The following C1QBP variants were observed in gnomAD, a reference collection of about 807,000 sequenced individuals.
C1QBP encodes the protein complement C1q binding protein, also known as complement component 1 Q subcomponent-binding protein, mitochondrial.
C1QBP carries 24 observed loss-of-function variants against 29.4 expected under a neutral mutation model. The ratio of observed to expected loss-of-function variants is 0.82; its 90% CI spans 0.59 to 1.15. C1QBP has a LOEUF of 1.15. Ranked by LOEUF, C1QBP falls within the 50% of genes most tolerant of loss-of-function variation. The probability of loss-of-function intolerance (pLI) is 0.00; values close to 1 mark genes in which losing one functional copy is unlikely to be tolerated. For missense variants in C1QBP, 337 were observed against 355.8 expected, an observed-to-expected ratio of 0.95 and a Z score of 0.43; for synonymous variants, 182 against 149.2, an observed-to-expected ratio of 1.22 and a Z score of -1.60.
intron 3 of C1QBP, 66 bp from the exon 4 acceptor site, chr17:5,433,833 C>G: frequency 7.2e-7 from 1 of 1,383,702 alleles, no homozygotes; most frequent in Non-Finnish European, 1.0e-6. Context: ...TCAAGGATCT[C>G]TGTTCAGAGT....
In C1QBP at chr17:5,433,102, A is replaced by G. The variant is rs1916140483; in HGVS notation, c.762T>C (p.Asp254=). 3 of 1,614,214 alleles carry G rather than the reference A, an allele frequency of 1.9e-6. No individual in the cohort carries two copies. The highest frequency in any genetic ancestry group is 8.5e-7 in the Non-Finnish European group (1 of 1,180,032). The change falls in exon 6 of 6, where the codon GAT becomes GAC. Residue 254 remains aspartate, a synonymous_variant. Transcript: ENST00000225698. ...GGGCTGTGCTGAGCTCCACCAGCTC[A>G]TCTGCAAAAGTGTTGTCCACCCCTC... is the stretch of plus-strand genomic sequence containing the variant. ...ADRGVDNTFA[D]ELVELSTALE...
At position 5,438,919 on chromosome 17, in the gene C1QBP, G is replaced by C. The variant is rs2151678247; in HGVS notation, c.155C>G (p.Ser52Cys). The stretch of plus-strand genomic sequence containing the variant: ...CCGCAGGAGGCCCGGCCGCCGCTCG[G>C]AACCTGCGCGCACGCTGAGCAGCCC... ...PFGLLSVRAGSERRPGLLRPR... is the reference protein window; with the variant it reads ...PFGLLSVRAGCERRPGLLRPR... The change falls in exon 1 of 6, where the codon TCC becomes TGC. Residue 52 changes from serine (S) to cysteine (C), a missense_variant. Ser to Cys is a moderately radical substitution (Grantham distance 112). Coordinates refer to ENST00000225698, the MANE Select transcript of C1QBP (RefSeq NM_001212.4). The C allele has an allele frequency of 6.5e-7, 1 of 1,537,532 alleles. No homozygotes were observed. Among genetic ancestry groups the C allele is most frequent in the East Asian group, 2.5e-5 (1 of 39,498 alleles).
In C1QBP at chr17:5,438,281, A is replaced by T. The variant is rs1422651773; in HGVS notation, c.233-8T>A. The T allele has an allele frequency of 6.2e-7, 1 of 1,612,362 alleles. No individual in the cohort carries two copies. Among genetic ancestry groups the T allele is most frequent in the South Asian group, 1.1e-5 (1 of 90,862 alleles). ...CAACAAAAGCTTTGTCTCCTAGAAAAGAAATCCAGATACATAAAAAGGAAA... is the reference window on the plus strand; with the variant it reads ...CAACAAAAGCTTTGTCTCCTAGAAATGAAATCCAGATACATAAAAAGGAAA... On this transcript the variant is annotated splice_polypyrimidine_tract_variant and splice_region_variant and intron_variant, in intron 1 of 5. Coordinates refer to ENST00000225698, the MANE Select transcript of C1QBP (RefSeq NM_001212.4).
chr17:5,438,097 C>G (rs1567592891), intron 2 of C1QBP, 26 bp downstream of exon 2: 2 of 1,606,922 alleles, frequency 1.2e-6, no homozygotes, highest in Admixed American at 3.4e-5. Flanking sequence ...GAGTTGCTGC[C>G]CTGGGATCCC....
intron 2 of C1QBP, 90 bp from the exon 3 acceptor site, chr17:5,435,056 C>T: frequency 3.4e-6 from 4 of 1,178,752 alleles, no homozygotes; most frequent in Non-Finnish European, 5.1e-6. Flanking sequence ...AAATCTGCTA[C>T]AGTTAAAAAG....
In C1QBP at chr17:5,439,047, G is replaced by A. The variant is rs1312010462; in HGVS notation, c.27C>T (p.Pro9=). Reference sequence around the variant, plus strand: ...CGGCGACGGAGGAGCCCAGCACACGGGGCACGCAGCGCAGCAGAGGCAGCA... The same window carrying A: ...CGGCGACGGAGGAGCCCAGCACACGAGGCACGCAGCGCAGCAGAGGCAGCA... MLPLLRCV[P]RVLGSSVAGL... Residue 9 remains proline (P), a synonymous_variant, in exon 1 of 6, where the codon CCC becomes CCT. Transcript: ENST00000225698. 2.2e-5 allele frequency: 34 copies of A among 1,530,274 alleles called. No homozygotes were observed. Among genetic ancestry groups the A allele is most frequent in the Non-Finnish European group, 2.6e-5 (30 of 1,139,162 alleles). 94.8% of individuals were successfully genotyped at this position (1,530,274 alleles called of 1,614,324 possible). A position where few individuals can be genotyped will look rare whatever the true frequency, so the allele number is the denominator to read the frequency against.
intron 1 of C1QBP, 185 bp from the exon 2 acceptor site, chr17:5,438,458 C>G: frequency 1.2e-6 from 1 of 826,604 alleles, no homozygotes; most frequent in South Asian, 1.9e-5. Context: ...GAGCCTGATT[C>G]TGGAAAAGTG....
At chr17:5,438,435 G>C (rs370490818) in intron 1 of C1QBP, 162 bp from the exon 2 acceptor site, 2 of 901,966 alleles carry the variant, frequency 2.2e-6, no homozygotes, top group South Asian at 3.7e-5. Context: ...TACCATAATA[G>C]TAGTAGGAAG....
intron 2 of C1QBP, among the ~76,000 whole-genome samples, chr17:5,435,826 G>A (rs1221692657): frequency 8.3e-5 from 12 of 143,914 alleles, no homozygotes; most frequent in Non-Finnish European, 1.5e-4. Context: ...TCAAGAGATC[G>A]AGACCATCCT....
In C1QBP at chr17:5,433,741, G is replaced by A. The variant is rs774258991; in HGVS notation, c.504C>T (p.Phe168=). The change falls in exon 4 of 6, where the codon TTC becomes TTT. Residue 168 remains phenylalanine (F), a synonymous_variant. Coordinates refer to ENST00000225698, the MANE Select transcript of C1QBP (RefSeq NM_001212.4). ...QEPELTSTPN[F]VVEVIKNDDG... The stretch of plus-strand genomic sequence containing the variant: ...CATCATTCTTTATAACTTCAACCAC[G>A]AAATTGGGAGTTGATGTCAGTTCAG... 21 of 1,614,088 alleles carry A rather than the reference G, an allele frequency of 1.3e-5. No individual in the cohort carries two copies. In the South Asian group the frequency reaches 1.5e-4, roughly 12 times the overall value.
At chr17:5,438,100 G>A in intron 2 of C1QBP, 23 bp downstream of exon 2, 1 of 1,607,930 alleles carries the variant, frequency 6.2e-7, no homozygotes, top group Non-Finnish European at 8.5e-7. Context: ...TTGCTGCCCT[G>A]GGATCCCCAG....
Position 5,438,964 on chromosome 17 carries a change from C to CG in C1QBP, c.109dup (p.Arg37ProfsTer48). 1 of 1,502,378 alleles carries CG rather than the reference C, an allele frequency of 6.7e-7. No homozygotes were observed. Among genetic ancestry groups the CG allele is most frequent in the Non-Finnish European group, 8.9e-7 (1 of 1,128,234 alleles). 93.1% of individuals were successfully genotyped at this position (1,502,378 alleles called of 1,614,324 possible). A position where few individuals can be genotyped will look rare whatever the true frequency, so the allele number is the denominator to read the frequency against. On this transcript the variant is annotated frameshift_variant, in exon 1 of 6. Transcript: ENST00000225698. LOFTEE classifies it high-confidence loss of function. ...CAGCCCGAAGGGCCGGGTGCACAGCCGGGGTGCCGGCTGCAGGAGCTGCCG... is the reference window on the plus strand; with the variant it reads ...CAGCCCGAAGGGCCGGGTGCACAGCCGGGGGTGCCGGCTGCAGGAGCTGCCG...
Position 5,433,692 on chromosome 17 carries a change from C to T in C1QBP, c.553G>A (p.Asp185Asn). Residue 185 changes from aspartate (D) to asparagine (N), a missense_variant, in exon 4 of 6, where the codon GAC (aspartate) becomes AAC (asparagine). Transcript: ENST00000225698. ...NDDGKKALVL[D>N]CHYPEDEVGQ... is the part of the protein sequence containing the mutation. ...ACCTCATCCTCTGGATAATGACAGT[C>T]CAACACAAGGGCCTTCTTGCCATCA... is the stretch of plus-strand genomic sequence containing the variant. The T allele has an allele frequency of 6.2e-7, 1 of 1,614,196 alleles. No individual in the cohort carries two copies. The highest frequency in any genetic ancestry group is 2.2e-5 in the East Asian group (1 of 44,892).
At chr17:5,435,754 G>C (rs1348651568) in intron 2 of C1QBP, among the ~76,000 whole-genome samples, 1 of 151,824 alleles carries the variant, frequency 6.6e-6, no homozygotes, top group African/African-American at 2.4e-5. Flanking sequence ...TGAAGGCTGG[G>C]CGCAGTGGCT....
chr17:5,438,277 G>C lies in C1QBP; in HGVS notation c.233-4C>G. On this transcript the variant is annotated splice_polypyrimidine_tract_variant and splice_region_variant and intron_variant, in intron 1 of 5. Transcript: ENST00000225698. Reference sequence around the variant, plus strand: ...AAATCAACAAAAGCTTTGTCTCCTAGAAAAGAAATCCAGATACATAAAAAG... The same window carrying C: ...AAATCAACAAAAGCTTTGTCTCCTACAAAAGAAATCCAGATACATAAAAAG... The C allele has an allele frequency of 1.2e-6, 2 of 1,612,284 alleles. No individual in the cohort carries two copies. The highest frequency in any genetic ancestry group is 8.5e-7 in the Non-Finnish European group (1 of 1,179,424).
chr17:5,435,535 T>TA (rs1916245871), intron 2 of C1QBP, among the ~76,000 whole-genome samples: 2 of 151,798 alleles, frequency 1.3e-5, no homozygotes, highest in South Asian at 2.1e-4. Context: ...AGGGCTGTAG[T>TA]AGAGACTCAT....
chr17:5,433,268 T>C lies in C1QBP; in HGVS notation c.699+25A>G, dbSNP rs377560088. On this transcript the variant is annotated intron_variant, in intron 5 of 5. Coordinates refer to ENST00000225698, the MANE Select transcript of C1QBP (RefSeq NM_001212.4). The stretch of plus-strand genomic sequence containing the variant: ...ACCCTTCCTTCCAAGGCCCAAAAGG[T>C]TCCCCCACCTTATCAAGCACTCACC... 24 of 1,613,922 alleles carry C rather than the reference T, an allele frequency of 1.5e-5. No individual in the cohort carries two copies. In the African/African-American group the frequency reaches 3.1e-4, roughly 21 times the overall value.
At chr17:5,433,799 G>A (rs371991894) in intron 3 of C1QBP, 32 bp from the exon 4 acceptor site, 112 of 1,575,968 alleles carry the variant, frequency 7.1e-5, no homozygotes, top group Admixed American at 1.2e-4. Context: ...ACATGCTGCT[G>A]CTGGAAGGAG....
At chr17:5,438,551 CTA>C in intron 1 of C1QBP, 2 of 712,556 alleles carry the variant, frequency 2.8e-6, no homozygotes, top group Non-Finnish European at 4.5e-6. Flanking sequence ...AACGATATAA[CTA>C]TGCTATTTTC....
Sources: gnomAD v4.1 joint callset for allele counts (sites outside exome capture counted in the v4.1 genomes callset) on GRCh38, gnomAD v4.1.1 for gene constraint, MANE v1.5 for transcripts, NCBI Gene and HGNC (gene_info 2026-07-23, HGNC 2026-07-21) for gene names.